The following GFRAL variants were observed in gnomAD, a reference collection of about 807,000 sequenced individuals.
GFRAL encodes GDNF family receptor alpha-like.
In GFRAL, 36 loss-of-function variants were observed where a neutral mutation model predicts 45.4. That is an observed-to-expected ratio of 0.79 (90% CI 0.61 to 1.05). The LOEUF (loss-of-function observed/expected upper bound fraction) is 1.05, where lower values mean the gene tolerates loss of function less well. Among genes scored for constraint, GFRAL ranks in the 50% least tolerant of loss-of-function variants. The probability of loss-of-function intolerance (pLI) is 0.00; values close to 1 mark genes in which losing one functional copy is unlikely to be tolerated. For missense variants in GFRAL, 507 were observed against 467.5 expected, an observed-to-expected ratio of 1.08 and a Z score of -0.78; for synonymous variants, 166 against 154.1, an observed-to-expected ratio of 1.08 and a Z score of -0.57.
At chr6:55,376,787 A>G (rs1049353933) in intron 6 of GFRAL, among the ~76,000 whole-genome samples, 4 of 151,908 alleles carry the variant, frequency 2.6e-5, no homozygotes, top group Non-Finnish European at 4.4e-5. Flanking sequence ...AAAAATGGCT[A>G]CTGGATTTAT....
intron 3 of GFRAL, among the ~76,000 whole-genome samples, chr6:55,341,743 C>A (rs113706252): frequency 6.6e-6 from 1 of 151,864 alleles, no homozygotes; most frequent in South Asian, 2.1e-4. Context: ...GGAGGATGTT[C>A]GAACCCATTG....
At chr6:55,346,457 C>A (rs1768043364) in intron 3 of GFRAL, among the ~76,000 whole-genome samples, 1 of 152,068 alleles carries the variant, frequency 6.6e-6, no homozygotes, top group Non-Finnish European at 1.5e-5. Flanking sequence ...AAACCAAACA[C>A]CGCATATTGT....
intron 6 of GFRAL, among the ~76,000 whole-genome samples, chr6:55,364,721 T>G (rs1193455265): frequency 2.0e-5 from 3 of 151,778 alleles, no homozygotes; most frequent in Admixed American, 6.6e-5. Flanking sequence ...CTTGTTTTTC[T>G]CAGGTTTGTC....
intron 5 of GFRAL, among the ~76,000 whole-genome samples, chr6:55,354,660 T>C (rs1768163792): frequency 6.6e-6 from 1 of 152,018 alleles, no homozygotes; most frequent in Non-Finnish European, 1.5e-5. Flanking sequence ...CCAGCTTTTA[T>C]ATTAAATTAT....
At chr6:55,360,477 G>A (rs1768258777) in intron 6 of GFRAL, among the ~76,000 whole-genome samples, 2 of 151,690 alleles carry the variant, frequency 1.3e-5, no homozygotes, top group South Asian at 4.2e-4. Flanking sequence ...TTTCTTTACA[G>A]ATACTTAGGA....
intron 6 of GFRAL, among the ~76,000 whole-genome samples, chr6:55,390,739 T>C (rs542396599): frequency 1.2e-4 from 18 of 151,946 alleles, no homozygotes; most frequent in African/African-American, 4.3e-4. Context: ...AATACAAAAA[T>C]CAGCCAGGCA....
intron 6 of GFRAL, among the ~76,000 whole-genome samples, chr6:55,372,896 T>C (rs891783546): frequency 5.6e-4 from 85 of 152,192 alleles, no homozygotes; most frequent in African/African-American, 1.9e-3. Context: ...CATCTTAATG[T>C]TTTTCAAATT....
chr6:55,333,986 A>G, intron 3 of GFRAL, 42 bp downstream of exon 3: 1 of 1,238,566 alleles, frequency 8.1e-7, no homozygotes, highest in Non-Finnish European at 1.1e-6. Flanking sequence ...CATGAAAAAG[A>G]AAGCAACAAT....
intron 6 of GFRAL, among the ~76,000 whole-genome samples, chr6:55,362,274 GA>G (rs74432101): frequency 0.19 from 23,619 of 123,974 alleles, 2,106 homozygotes; most frequent in African/African-American, 0.28. Context: ...AAATGATAAT[GA>G]AAAAAAAAAA....
At position 55,333,795 on chromosome 6, in the gene GFRAL, A is replaced by T. The variant is rs1562047123; in HGVS notation, c.167A>T (p.Asp56Val). The T allele has an allele frequency of 7.5e-6, 12 of 1,590,352 alleles. No individual in the cohort carries two copies. The South Asian group carries it at 1.4e-4, about 18-fold the overall frequency. ...TGTGTTTGATTGTGAGATCCAGGTG[A>T]CCCCTGCAAGATGAGGAATTCATCA... ...EDACNDSDPGDPCKMRNSSYC... is the reference protein window; with the variant it reads ...EDACNDSDPGVPCKMRNSSYC... The change falls in exon 3 of 9, where the codon GAC (aspartate) becomes GTC (valine). Residue 56 changes from aspartate to valine, a missense_variant. Coordinates refer to ENST00000340465, the MANE Select transcript of GFRAL (RefSeq NM_207410.2).
At chr6:55,389,159 T>C (rs1315518606) in intron 6 of GFRAL, among the ~76,000 whole-genome samples, 1 of 152,174 alleles carries the variant, frequency 6.6e-6, no homozygotes, top group African/African-American at 2.4e-5. Context: ...ACTTATGTCA[T>C]GGGGGTTTGT....
chr6:55,346,134 G>A (rs1290195272), intron 3 of GFRAL, among the ~76,000 whole-genome samples: 10 of 152,264 alleles, frequency 6.6e-5, no homozygotes, highest in African/African-American at 2.2e-4. Context: ...ACAGTGTGGC[G>A]ATTCCTCAGG....
intron 6 of GFRAL, among the ~76,000 whole-genome samples, chr6:55,384,146 T>C (rs1160205317): frequency 6.6e-6 from 1 of 151,994 alleles, no homozygotes; most frequent in Non-Finnish European, 1.5e-5. Flanking sequence ...AGTGGAGGGA[T>C]AGCATTAGGA....
intron 6 of GFRAL, among the ~76,000 whole-genome samples, chr6:55,367,761 A>G (rs1362805114): frequency 6.6e-6 from 1 of 151,728 alleles, no homozygotes; most frequent in African/African-American, 2.4e-5. Context: ...AGAATGTTGA[A>G]TATTGGCCCC....
chr6:55,368,521 C>G (rs1447517543), intron 6 of GFRAL, among the ~76,000 whole-genome samples: 5 of 151,856 alleles, frequency 3.3e-5, no homozygotes, highest in Non-Finnish European at 2.9e-5. Context: ...AGGCACTCTG[C>G]TTTTTAGAGT....
intron 5 of GFRAL, among the ~76,000 whole-genome samples, chr6:55,356,701 T>A (rs542621378): frequency 6.6e-6 from 1 of 151,982 alleles, no homozygotes; most frequent in African/African-American, 2.4e-5. Context: ...CTTTCATTTA[T>A]TTCTGCTCTG....
At chr6:55,331,631 G>A (rs763299858) in intron 1 of GFRAL, 84 bp from the exon 2 acceptor site, 24 of 1,253,816 alleles carry the variant, frequency 1.9e-5, no homozygotes, top group Non-Finnish European at 2.2e-5. Flanking sequence ...CCATAATTCT[G>A]CTCTTTATCA....
intron 6 of GFRAL, among the ~76,000 whole-genome samples, chr6:55,389,406 C>A (rs1178004168): frequency 6.6e-6 from 1 of 152,084 alleles, no homozygotes; most frequent in Non-Finnish European, 1.5e-5. Flanking sequence ...AGCAATAGAA[C>A]CCAGAAATCT....
chr6:55,381,597 A>G (rs1173274609), intron 6 of GFRAL, among the ~76,000 whole-genome samples: 1 of 151,934 alleles, frequency 6.6e-6, no homozygotes, highest in African/African-American at 2.4e-5. Context: ...TGCATGATAC[A>G]TAGTCTTACA....
Sources: gnomAD v4.1 joint callset for allele counts (sites outside exome capture counted in the v4.1 genomes callset) on GRCh38, gnomAD v4.1.1 for gene constraint, MANE v1.5 for transcripts, NCBI Gene and HGNC (gene_info 2026-07-23, HGNC 2026-07-21) for gene names.